The following TAC3 variants were observed in gnomAD, a reference collection of about 807,000 sequenced individuals.
TAC3 encodes tachykinin-3.
TAC3 carries 9 observed loss-of-function variants against 16.5 expected under a neutral mutation model. The observed-to-expected ratio is 0.55, with a 90% CI of 0.33 to 0.95. TAC3 has a LOEUF of 0.95. TAC3 is among the 40% of genes least tolerant of loss of function. TAC3 has a pLI of 0.03. For missense variants in TAC3, 129 were observed against 149.1 expected, an observed-to-expected ratio of 0.87 and a Z score of 0.70; for synonymous variants, 52 against 56.7, an observed-to-expected ratio of 0.92 and a Z score of 0.37.
chr12:57,012,730 C>A, intron 5 of TAC3, 92 bp downstream of exon 5: 1 of 1,613,690 alleles, frequency 6.2e-7, no homozygotes, highest in Non-Finnish European at 8.5e-7. Context: ...AAGGTCCTGT[C>A]TTTCCCTCTG....
At chr12:57,015,960 A>G (rs1042718752) in intron 1 of TAC3, among the ~76,000 whole-genome samples, 158 bp from the exon 2 acceptor site, 2 of 152,166 alleles carry the variant, frequency 1.3e-5, no homozygotes, top group Non-Finnish European at 2.9e-5. Flanking sequence ...GAGAGGGTGG[A>G]AAGTATTTCT....
At chr12:57,012,546 G>A (rs1278188130) in intron 5 of TAC3, 94 bp from the exon 6 acceptor site, 2 of 1,602,106 alleles carry the variant, frequency 1.2e-6, no homozygotes, top group East Asian at 4.5e-5. Flanking sequence ...GACGGGCAGT[G>A]TTCAAAGACA....
chr12:57,013,319 GC>G (rs1956327218), intron 4 of TAC3, 39 bp downstream of exon 4: 3 of 1,612,380 alleles, frequency 1.9e-6, no homozygotes, highest in Non-Finnish European at 2.5e-6. Flanking sequence ...AGAGCTCTGG[GC>G]AAGTGGCAAG....
chr12:57,012,271 C>T, intron 6 of TAC3, 107 bp downstream of exon 6: 1 of 1,099,404 alleles, frequency 9.1e-7, no homozygotes, highest in Non-Finnish European at 1.3e-6. Flanking sequence ...TATTTCAGGG[C>T]AAATCTATGA....
At position 57,015,594 on chromosome 12, in the gene TAC3, C is replaced by A. The variant is rs571305768; in HGVS notation, c.114+90G>T. 6.7e-6 allele frequency: 8 copies of A among 1,190,038 alleles called. No homozygotes were observed. The African/African-American group carries it at 9.0e-5, about 13-fold the overall frequency. 73.7% of individuals were successfully genotyped at this position (1,190,038 alleles called of 1,614,324 possible). ...CAAAATGCCCTCTGACGGACAACCC[C>A]CCCACCCCAGTTTCCTCACTACAGC... On this transcript the variant is annotated intron_variant, in intron 2 of 6. Coordinates refer to ENST00000458521, the MANE Select transcript of TAC3 (RefSeq NM_013251.4).
At position 57,012,459 on chromosome 12, in the gene TAC3, T is replaced by C; in HGVS notation, c.293-7A>G. ...TTCACATCCGTAGGAGAGTCTAGGG[T>C]AAAGCGAACAGTGTAAGTAAGAGGG... On this transcript the variant is annotated splice_polypyrimidine_tract_variant and splice_region_variant and intron_variant, in intron 5 of 6. Coordinates refer to ENST00000458521, the MANE Select transcript of TAC3 (RefSeq NM_013251.4). 6.2e-7 allele frequency: 1 copy of C among 1,613,598 alleles called. No individual in the cohort carries two copies. Among genetic ancestry groups the C allele is most frequent in the East Asian group, 2.2e-5 (1 of 44,860 alleles).
At chr12:57,015,589 A>C in intron 2 of TAC3, 95 bp downstream of exon 2, 10 of 1,037,278 alleles carry the variant, frequency 9.6e-6, no homozygotes, top group Non-Finnish European at 1.0e-5. Flanking sequence ...TCTGACGGAC[A>C]ACCCCCCCAC....
In TAC3 at chr12:57,013,373, G is replaced by A; in HGVS notation, c.224C>T (p.Thr75Ile). The change falls in exon 4 of 7, where the codon ACA becomes ATA. Residue 75 changes from threonine to isoleucine, a missense_variant. Transcript: ENST00000458521. ...SQASTDPKESTSPEKRDMHDF... is the reference protein window; with the variant it reads ...SQASTDPKESISPEKRDMHDF... ...AGGGTACTTACGTTTCTCGGGAGATGTTGATTCCTTAGGATCTGTGAAACC... is the reference window on the plus strand; with the variant it reads ...AGGGTACTTACGTTTCTCGGGAGATATTGATTCCTTAGGATCTGTGAAACC... 2 of 1,614,102 alleles carry A rather than the reference G, an allele frequency of 1.2e-6. No homozygotes were observed. Among genetic ancestry groups the A allele is most frequent in the Middle Eastern group, 1.7e-4 (1 of 6,060 alleles).
At chr12:57,015,907 G>A in intron 1 of TAC3, 105 bp from the exon 2 acceptor site, 4 of 923,988 alleles carry the variant, frequency 4.3e-6, no homozygotes, top group Non-Finnish European at 6.8e-6. Context: ...GCTTGACCCT[G>A]CTTCCCCAGC....
intron 6 of TAC3, chr12:57,012,027 A>G (rs59613457): frequency 0.012 from 3,847 of 310,964 alleles, 149 homozygotes; most frequent in African/African-American, 0.076. Context: ...TGTAATTATC[A>G]GATAATAATT....
At chr12:57,016,220 C>G (rs543591126) in intron 1 of TAC3, among the ~76,000 whole-genome samples, 167 bp downstream of exon 1, 1 of 152,224 alleles carries the variant, frequency 6.6e-6, no homozygotes, top group Non-Finnish European at 1.5e-5. Context: ...TCTGTAGCCA[C>G]AGGCTCCAAA....
chr12:57,015,845 G>T, intron 1 of TAC3, 43 bp from the exon 2 acceptor site: 1 of 1,530,250 alleles, frequency 6.5e-7, no homozygotes, highest in Non-Finnish European at 9.0e-7. Context: ...GGAGAGAAGA[G>T]GAAGATACAG....
In TAC3 at chr12:57,015,808, A is replaced by C. The variant is rs771040390; in HGVS notation, c.-5-6T>G. 11 of 1,611,176 alleles carry C rather than the reference A, an allele frequency of 6.8e-6. No individual in the cohort carries two copies. Among genetic ancestry groups the C allele is most frequent in the Non-Finnish European group, 8.5e-6 (10 of 1,177,484 alleles). On this transcript the variant is annotated splice_polypyrimidine_tract_variant and splice_region_variant and intron_variant, in intron 1 of 6. Coordinates refer to ENST00000458521, the MANE Select transcript of TAC3 (RefSeq NM_013251.4). Reference sequence around the variant, plus strand: ...CAGCATGATCCTCATGGTGCCTGGGAGAGCAAAGGGACAGGACTCAGGTAA... The same window carrying C: ...CAGCATGATCCTCATGGTGCCTGGGCGAGCAAAGGGACAGGACTCAGGTAA...
intron 2 of TAC3, among the ~76,000 whole-genome samples, chr12:57,014,369 T>C (rs1956344720): frequency 6.6e-6 from 1 of 152,102 alleles, no homozygotes; most frequent in Non-Finnish European, 1.5e-5. Flanking sequence ...CAGCAGCGCC[T>C]CTCTTTCCAG....
intron 2 of TAC3, among the ~76,000 whole-genome samples, chr12:57,015,141 GAGA>G (rs1956354990): frequency 6.6e-6 from 1 of 152,160 alleles, no homozygotes; most frequent in South Asian, 2.1e-4. Flanking sequence ...AGGGAGAAAA[GAGA>G]AGAAGGAAGG....
chr12:57,012,100 G>A, intron 6 of TAC3: 1 of 474,842 alleles, frequency 2.1e-6, no homozygotes, highest in South Asian at 2.4e-5. Context: ...TGCCCATCGG[G>A]GAAGCCCCTC....
intron 6 of TAC3, among the ~76,000 whole-genome samples, chr12:57,010,501 C>T (rs998175090): frequency 1.3e-5 from 2 of 152,150 alleles, no homozygotes; most frequent in Non-Finnish European, 2.9e-5. Flanking sequence ...TGCACCTTCC[C>T]AGCTGCCATA....
chr12:57,013,355 T>C lies in TAC3; in HGVS notation c.238+4A>G. The stretch of plus-strand genomic sequence containing the variant: ...GAGATAGGGAGGGAGAAGAGGGTAC[T>C]TACGTTTCTCGGGAGATGTTGATTC... On this transcript the variant is annotated splice_donor_region_variant and intron_variant, in intron 4 of 6. Transcript: ENST00000458521. 6.2e-7 allele frequency: 1 copy of C among 1,613,968 alleles called. No individual in the cohort carries two copies. The highest frequency in any genetic ancestry group is 1.1e-5 in the South Asian group (1 of 91,074).
intron 6 of TAC3, 151 bp downstream of exon 6, chr12:57,012,227 T>C: frequency 1.4e-6 from 1 of 712,120 alleles, no homozygotes; most frequent in Non-Finnish European, 2.4e-6. Flanking sequence ...AGTGTCTTTG[T>C]GTTTGGCCGA....
Sources: gnomAD v4.1 joint callset for allele counts (sites outside exome capture counted in the v4.1 genomes callset) on GRCh38, gnomAD v4.1.1 for gene constraint, MANE v1.5 for transcripts, NCBI Gene and HGNC (gene_info 2026-07-23, HGNC 2026-07-21) for gene names.